NEXN: variants seen among roughly 807,000 people sequenced by gnomAD.
NEXN encodes the protein nexilin.
A neutral mutation model predicts 92.6 loss-of-function variants in NEXN; 65 were observed. The observed-to-expected ratio is 0.70, with a 90% CI of 0.57 to 0.86. NEXN has a LOEUF of 0.86. Ranked by LOEUF, NEXN falls within the 40% of genes least tolerant of loss-of-function variation. The pLI, the probability that NEXN is intolerant of heterozygous loss-of-function variation, is 0.00. For missense variants in NEXN, 778 were observed against 771.1 expected, an observed-to-expected ratio of 1.01 and a Z score of -0.11; for synonymous variants, 254 against 242.5, an observed-to-expected ratio of 1.05 and a Z score of -0.44.
chr1:77,935,846 T>C lies in NEXN; in HGVS notation c.1275T>C (p.Phe425=), dbSNP rs759257757. The C allele has an allele frequency of 6.2e-7, 1 of 1,612,914 alleles. No homozygotes were observed. Among genetic ancestry groups the C allele is most frequent in the Non-Finnish European group, 8.5e-7 (1 of 1,179,868 alleles). The stretch of plus-strand genomic sequence containing the variant: ...AGGAAGAGGAAGAAAATGAAACCTT[T>C]GGATTGAGCAGAGAATATGAAGAAC... ...MGEEEEENET[F]GLSREYEELI... is the part of the protein sequence containing the mutation. The change falls in exon 11 of 13, where the codon TTT becomes TTC. Residue 425 remains phenylalanine, a synonymous_variant. Coordinates refer to ENST00000334785, the MANE Select transcript of NEXN (RefSeq NM_144573.4).
intron 9 of NEXN, among the ~76,000 whole-genome samples, chr1:77,932,890 G>C (rs957333694): frequency 6.6e-6 from 1 of 152,172 alleles, no homozygotes; most frequent in Admixed American, 6.5e-5. Context: ...ATCTGGCCGG[G>C]TGCGTGGCTC....
intron 5 of NEXN, among the ~76,000 whole-genome samples, chr1:77,920,776 G>GA (rs1649362198): frequency 1.3e-5 from 2 of 151,894 alleles, no homozygotes; most frequent in Admixed American, 1.3e-4. Context: ...CATCAGCTTA[G>GA]AAAAAAGAGG....
At chr1:77,937,227 C>G (rs1650841328) in intron 11 of NEXN, among the ~76,000 whole-genome samples, 1 of 151,968 alleles carries the variant, frequency 6.6e-6, no homozygotes, top group Non-Finnish European at 1.5e-5. Context: ...CTGATTGAGC[C>G]TGGGTGGTTG....
chr1:77,896,862 T>G (rs1647288359), intron 1 of NEXN, among the ~76,000 whole-genome samples: 1 of 151,672 alleles, frequency 6.6e-6, no homozygotes, highest in Admixed American at 6.6e-5. Flanking sequence ...CAAACTACCA[T>G]CAGAGAATAC....
chr1:77,906,069 G>C (rs1335634730), intron 1 of NEXN, among the ~76,000 whole-genome samples: 2 of 152,080 alleles, frequency 1.3e-5, no homozygotes, highest in African/African-American at 4.8e-5. Flanking sequence ...CATCTAAGAG[G>C]TAGAGAGAGG....
intron 1 of NEXN, among the ~76,000 whole-genome samples, chr1:77,899,171 G>T (rs945708873): frequency 2.0e-5 from 3 of 152,114 alleles, no homozygotes; most frequent in African/African-American, 4.8e-5. Flanking sequence ...TATACCCAAA[G>T]GACTATAAAT....
At chr1:77,895,788 C>T (rs994175623) in intron 1 of NEXN, among the ~76,000 whole-genome samples, 2 of 152,038 alleles carry the variant, frequency 1.3e-5, no homozygotes, top group African/African-American at 4.8e-5. Flanking sequence ...TCACTTGAAC[C>T]TGGGAGGTGG....
intron 1 of NEXN, among the ~76,000 whole-genome samples, chr1:77,897,099 A>G (rs143635914): frequency 0.025 from 3,736 of 152,326 alleles, 52 homozygotes; most frequent in Middle Eastern, 0.065. Flanking sequence ...AGCTGGTACC[A>G]TTCCTTCTGA....
rs1342911220 is a variant in NEXN at position 77,919,581 on chromosome 1, CA to C, written c.447+1309del. Among the ~76,000 whole-genome samples, 12 of 136,848 alleles carry C rather than the reference CA, an allele frequency of 8.8e-5. No individual in the cohort carries two copies. The East Asian group carries it at 2.0e-3, about 22-fold the overall frequency. 89.8% of individuals were successfully genotyped at this position (136,848 alleles called of 152,430 possible). ...CAAGTCTGAAATCCAGCAGGTCAGT[CA>C]TTTTTTTTTTTTTTTTTTGAGACGG... On this transcript the variant is annotated intron_variant, in intron 5 of 12. Transcript: ENST00000334785.
intron 1 of NEXN, among the ~76,000 whole-genome samples, chr1:77,898,209 C>T (rs1571070517): frequency 6.6e-6 from 1 of 152,214 alleles, no homozygotes; most frequent in African/African-American, 2.4e-5. Context: ...CCAAGCCAAT[C>T]CTAAGCCAAA....
intron 10 of NEXN, 149 bp from the exon 11 acceptor site, chr1:77,935,674 C>A: frequency 1.6e-6 from 1 of 641,008 alleles, no homozygotes. Flanking sequence ...TTTTTTGAGT[C>A]ACACATGGTG....
chr1:77,896,940 C>A (rs1647291302), intron 1 of NEXN, among the ~76,000 whole-genome samples: 1 of 152,120 alleles, frequency 6.6e-6, no homozygotes, highest in South Asian at 2.1e-4. Flanking sequence ...AACACATACA[C>A]CCTCCCAAGA....
chr1:77,913,712 A>C (rs1476393583), intron 1 of NEXN, among the ~76,000 whole-genome samples: 1 of 152,154 alleles, frequency 6.6e-6, no homozygotes, highest in African/African-American at 2.4e-5. Context: ...GGTAAGCTAC[A>C]TGGTGGTTTC....
In NEXN at chr1:77,911,828, A is replaced by G. The variant is rs562947673; in HGVS notation, c.-52-4227A>G. Reference sequence around the variant, plus strand: ...CCAGGCACGGTGGCTCATGCTTGTAATCCCAGCACTTTGGGAGGCTGAGGC... The same window carrying G: ...CCAGGCACGGTGGCTCATGCTTGTAGTCCCAGCACTTTGGGAGGCTGAGGC... On this transcript the variant is annotated intron_variant, in intron 1 of 12. Transcript: ENST00000334785. Among the ~76,000 whole-genome samples, 3 of 151,718 alleles carry G rather than the reference A, an allele frequency of 2.0e-5. No individual in the cohort carries two copies. In the South Asian group the frequency reaches 6.3e-4, roughly 32 times the overall value.
At chr1:77,932,863 T>C (rs2102144744) in intron 9 of NEXN, among the ~76,000 whole-genome samples, 1 of 152,276 alleles carries the variant, frequency 6.6e-6, no homozygotes, top group Non-Finnish European at 1.5e-5. Flanking sequence ...TTGTTCAATG[T>C]GAAACCTATT....
chr1:77,892,583 T>C (rs74366528), intron 1 of NEXN, among the ~76,000 whole-genome samples: 2,342 of 152,344 alleles, frequency 0.015, 53 homozygotes, highest in African/African-American at 0.053. Flanking sequence ...AGGGCAAGTA[T>C]ATCTGATGCA....
Position 77,942,513 on chromosome 1 carries a change from C to A in NEXN, c.1712C>A (p.Ala571Asp). 1 of 1,613,828 alleles carries A rather than the reference C, an allele frequency of 6.2e-7. No homozygotes were observed. Among genetic ancestry groups the A allele is most frequent in the Admixed American group, 1.7e-5 (1 of 60,012 alleles). The part of the protein sequence containing the change: ...EEGSIMNGST[A>D]EDEEQTRSGA... ...GGTAGCATCATGAATGGCTCCACTGCTGAAGATGAAGAGCAAACCAGATCA... is the reference window on the plus strand; with the variant it reads ...GGTAGCATCATGAATGGCTCCACTGATGAAGATGAAGAGCAAACCAGATCA... The change falls in exon 13 of 13, where the codon GCT (alanine) becomes GAT (aspartate). Residue 571 changes from alanine (A) to aspartate (D), a missense_variant. Coordinates refer to ENST00000334785, the MANE Select transcript of NEXN (RefSeq NM_144573.4).
chr1:77,936,267 A>G (rs1421610569), intron 11 of NEXN, among the ~76,000 whole-genome samples: 1 of 152,214 alleles, frequency 6.6e-6, no homozygotes, highest in East Asian at 1.9e-4. Context: ...GTGAATGTCA[A>G]ATGGTTCACT....
intron 1 of NEXN, among the ~76,000 whole-genome samples, chr1:77,904,019 G>A (rs910393428): frequency 6.6e-6 from 1 of 152,080 alleles, no homozygotes; most frequent in African/African-American, 2.4e-5. Flanking sequence ...TTGTGACAGA[G>A]TCTTACTCTG....
Sources: gnomAD v4.1 joint callset for allele counts (sites outside exome capture counted in the v4.1 genomes callset) on GRCh38, gnomAD v4.1.1 for gene constraint, MANE v1.5 for transcripts, NCBI Gene and HGNC (gene_info 2026-07-23, HGNC 2026-07-21) for gene names.